RNASEH2B: variants seen among roughly 807,000 people sequenced by gnomAD.
RNASEH2B encodes the protein ribonuclease H2 subunit B.
In RNASEH2B, 36 loss-of-function variants were observed where a neutral mutation model predicts 45.0. The ratio of observed to expected loss-of-function variants is 0.80; its 90% CI spans 0.61 to 1.06. RNASEH2B has a LOEUF of 1.06. Among genes scored for constraint, RNASEH2B ranks in the 50% least tolerant of loss-of-function variants. The pLI, the probability that RNASEH2B is intolerant of heterozygous loss-of-function variation, is 0.00. For synonymous variants in RNASEH2B, 119 were observed against 125.7 expected, an observed-to-expected ratio of 0.95 and a Z score of 0.35; for missense variants, 361 against 360.3, an observed-to-expected ratio of 1.00 and a Z score of -0.02.
chr13:50,935,272 G>T, intron 5 of RNASEH2B: 1 of 448,760 alleles, frequency 2.2e-6, no homozygotes, highest in East Asian at 4.1e-5. Context: ...AACTAGTTCT[G>T]TGACATCAGG....
At chr13:50,922,506 A>G (rs1164370139) in intron 1 of RNASEH2B, among the ~76,000 whole-genome samples, 2 of 152,206 alleles carry the variant, frequency 1.3e-5, no homozygotes, top group Admixed American at 1.3e-4. Flanking sequence ...CAAAGATTGG[A>G]TCACTTATTG....
chr13:50,960,963 T>G (rs1347456961), downstream of RNASEH2B, among the ~76,000 whole-genome samples: 1 of 152,194 alleles, frequency 6.6e-6, no homozygotes, highest in Non-Finnish European at 1.5e-5. Flanking sequence ...TTTGTCTTAC[T>G]TGACATTTTT....
intron 8 of RNASEH2B, 54 bp from the exon 9 acceptor site, chr13:50,949,409 G>GT: frequency 1.3e-6 from 2 of 1,556,832 alleles, no homozygotes; most frequent in Middle Eastern, 1.7e-4. Context: ...CTGTCTTTCT[G>GT]TTTGTTTGTC....
At chr13:50,914,120 TG>T (rs1236394760) in intron 1 of RNASEH2B, among the ~76,000 whole-genome samples, 1 of 151,422 alleles carries the variant, frequency 6.6e-6, no homozygotes, top group Admixed American at 6.6e-5. Context: ...CCTCTTGTTT[TG>T]GGGGAGGAAA....
rs114910354 is a variant in RNASEH2B, at chr13:50,922,835, G to C, written c.65-4572G>C. Among the ~76,000 whole-genome samples the C allele has an allele frequency of 8.7e-3, 1,324 of 152,266 alleles. 17 individuals carry two copies. The highest frequency in any genetic ancestry group is 0.03 in the African/African-American group (1,258 of 41,538). Reference sequence around the variant, plus strand: ...ATAGGGAAAGTAGTCAATAGAAACTGTCTCTGAAGGGGCTGAGATGTTGGA... The same window carrying C: ...ATAGGGAAAGTAGTCAATAGAAACTCTCTCTGAAGGGGCTGAGATGTTGGA... On this transcript the variant is annotated intron_variant, in intron 1 of 10. Transcript: ENST00000336617.
Position 50,909,910 on chromosome 13 carries a change from T to C in RNASEH2B, c.-167T>C. ...AAACGTAACACGAGCAGCAGGCTGG[T>C]CTCGGAAACGAAACGAAATTCGGTC... On this transcript the variant is annotated 5_prime_UTR_variant, in exon 1 of 11. Transcript: ENST00000336617. 2.0e-6 allele frequency: 1 copy of C among 508,394 alleles called. No homozygotes were observed. Among genetic ancestry groups the C allele is most frequent in the Non-Finnish European group, 3.4e-6 (1 of 293,374 alleles). The allele number at this position is 508,394 out of a possible 1,614,324, so 31.5% of individuals were successfully genotyped here. A position where few individuals can be genotyped will look rare whatever the true frequency, so the allele number is the denominator to read the frequency against.
At chr13:50,944,602 C>T (rs888856113) in intron 6 of RNASEH2B, among the ~76,000 whole-genome samples, 1 of 151,900 alleles carries the variant, frequency 6.6e-6, no homozygotes, top group Non-Finnish European at 1.5e-5. Flanking sequence ...ACATGTATCC[C>T]AGAACTTAAA....
chr13:50,947,436 T>C (rs1388157392), intron 7 of RNASEH2B, among the ~76,000 whole-genome samples: 1 of 151,466 alleles, frequency 6.6e-6, no homozygotes, highest in Non-Finnish European at 1.5e-5. Flanking sequence ...TGTAGAACTA[T>C]GTATATAGAA....
At chr13:50,957,027 A>T (rs555451112), downstream of RNASEH2B, among the ~76,000 whole-genome samples, 2 of 151,442 alleles carry the variant, frequency 1.3e-5, no homozygotes, top group East Asian at 3.9e-4. Flanking sequence ...TTTCTTCATT[A>T]CCCAGAGATA....
At chr13:50,962,023 A>C (rs1952117051) in intron 9 of RNASEH2B, among the ~76,000 whole-genome samples, 2 of 152,192 alleles carry the variant, frequency 1.3e-5, no homozygotes, top group South Asian at 4.1e-4. Flanking sequence ...TTGAATGTTA[A>C]ACTAATTTTG....
At chr13:50,966,310 A>G (rs1036066109) in intron 9 of RNASEH2B, among the ~76,000 whole-genome samples, 1 of 152,222 alleles carries the variant, frequency 6.6e-6, no homozygotes, top group Admixed American at 6.5e-5. Context: ...AAGGAATTTC[A>G]GACTAGAGCC....
chr13:50,959,198 T>A (rs1952085650), downstream of RNASEH2B, among the ~76,000 whole-genome samples: 2 of 152,202 alleles, frequency 1.3e-5, no homozygotes, highest in African/African-American at 4.8e-5. Context: ...TCTTATTGAC[T>A]AAAAGTATTC....
At chr13:50,922,782 A>G (rs938364733) in intron 1 of RNASEH2B, among the ~76,000 whole-genome samples, 1 of 152,230 alleles carries the variant, frequency 6.6e-6, no homozygotes, top group Non-Finnish European at 1.5e-5. Flanking sequence ...ACATACATAC[A>G]CAAACAAGAC....
intron 9 of RNASEH2B, chr13:50,951,494 C>G (rs1794213022): frequency 6.6e-6 from 1 of 152,104 alleles, no homozygotes; most frequent in South Asian, 2.1e-4. Context: ...CTCACTTGCT[C>G]CAGTCTTTTC....
Position 50,910,151 on chromosome 13 carries a change from GCGCCC to G in RNASEH2B, c.64+12_64+16del, listed in dbSNP as rs1158291866. ...TGTTCCTGGTTTCAGGTAAACACGC[GCGCCC>G]GGGCGGCGGGGTCGGCCCAAGAACT... On this transcript the variant is annotated intron_variant, in intron 1 of 10. Coordinates refer to ENST00000336617, the MANE Select transcript of RNASEH2B (RefSeq NM_024570.4). The G allele has an allele frequency of 4.9e-6, 7 of 1,429,188 alleles. No homozygotes were observed. The highest frequency in any genetic ancestry group is 6.4e-6 in the Non-Finnish European group (7 of 1,091,916). The allele number at this position is 1,429,188 out of a possible 1,614,324, so 88.5% of individuals were successfully genotyped here. A position where few individuals can be genotyped will look rare whatever the true frequency, so the allele number is the denominator to read the frequency against.
intron 9 of RNASEH2B, among the ~76,000 whole-genome samples, chr13:50,965,097 T>A (rs2138041861): frequency 6.6e-6 from 1 of 152,342 alleles, no homozygotes; most frequent in East Asian, 1.9e-4. Context: ...CATGAGACTA[T>A]AACACAGAGC....
At chr13:50,960,547 A>C (rs1230921538), downstream of RNASEH2B, among the ~76,000 whole-genome samples, 1 of 152,190 alleles carries the variant, frequency 6.6e-6, no homozygotes, top group African/African-American at 2.4e-5. Flanking sequence ...GGTTGTTATC[A>C]GAAAGCTTTT....
chr13:50,958,850 G>T (rs1448690295), downstream of RNASEH2B, among the ~76,000 whole-genome samples: 2 of 151,926 alleles, frequency 1.3e-5, no homozygotes, highest in African/African-American at 4.8e-5. Context: ...ATATTTTATT[G>T]TTTCCTTATA....
chr13:50,943,011 A>G (rs1378931173), intron 5 of RNASEH2B: 5 of 293,964 alleles, frequency 1.7e-5, no homozygotes, highest in African/African-American at 1.1e-4. Flanking sequence ...TCCTGTCCCT[A>G]TCAACAAGAT....
Sources: gnomAD v4.1 joint callset for allele counts (sites outside exome capture counted in the v4.1 genomes callset) on GRCh38, gnomAD v4.1.1 for gene constraint, MANE v1.5 for transcripts, NCBI Gene and HGNC (gene_info 2026-07-23, HGNC 2026-07-21) for gene names.